Variants in CSMD3 observed in about 807,000 individuals in gnomAD.
CSMD3 encodes the protein CUB and sushi domain-containing protein 3.
CSMD3 carries 177 observed loss-of-function variants against 435.2 expected under a neutral mutation model. The observed-to-expected ratio is 0.41, with a 90% CI of 0.36 to 0.46. CSMD3 has a LOEUF of 0.46. CSMD3 is among the 20% of genes least tolerant of loss of function. The probability of loss-of-function intolerance (pLI) is 0.34; values close to 1 mark genes in which losing one functional copy is unlikely to be tolerated. For missense variants in CSMD3, 4,265 were observed against 4,504.6 expected (o/e 0.95, Z 1.52); for synonymous variants, 1,656 against 1,520.5 (o/e 1.09, Z -2.07).
intron 19 of CSMD3, among the ~76,000 whole-genome samples, chr8:112,647,340 C>T (rs1356503805): frequency 1.3e-5 from 2 of 148,664 alleles, no homozygotes; most frequent in Non-Finnish European, 3.0e-5. Flanking sequence ...TCGCCTTGTC[C>T]CCCAGGGCTG....
At chr8:113,256,833 GT>G (rs1435439529) in intron 3 of CSMD3, among the ~76,000 whole-genome samples, 1 of 152,158 alleles carries the variant, frequency 6.6e-6, no homozygotes, top group Non-Finnish European at 1.5e-5. Flanking sequence ...GCATTAAGTG[GT>G]TTGTAGTGTG....
At chr8:112,543,804 T>TATAGCCAAGATGTTGGAAACAA (rs1396085923) in intron 27 of CSMD3, among the ~76,000 whole-genome samples, 5 of 152,176 alleles carry the variant, frequency 3.3e-5, no homozygotes, top group Non-Finnish European at 5.9e-5. Flanking sequence ...TATTATTCAC[T>TATAGCCAAGATGTTGGAAACAA]ATAGCCAAGA....
intron 5 of CSMD3, among the ~76,000 whole-genome samples, chr8:113,048,306 G>T (rs917302931): frequency 9.2e-5 from 14 of 152,014 alleles, no homozygotes; most frequent in Non-Finnish European, 1.6e-4. Flanking sequence ...TGTTATCCAG[G>T]CTGGTCTCCA....
chr8:113,148,029 TCCC>T (rs2091718736), intron 4 of CSMD3, among the ~76,000 whole-genome samples: 1 of 151,554 alleles, frequency 6.6e-6, no homozygotes, highest in South Asian at 2.1e-4. Context: ...TACCTTACAC[TCCC>T]ACTTTCTCAA....
chr8:112,850,385 C>T (rs935434822), intron 11 of CSMD3, among the ~76,000 whole-genome samples: 1 of 152,034 alleles, frequency 6.6e-6, no homozygotes, highest in South Asian at 2.1e-4. Context: ...TTATAAATTC[C>T]ACACAGCCAA....
chr8:113,228,059 T>G (rs2093047428), intron 3 of CSMD3, among the ~76,000 whole-genome samples: 1 of 151,534 alleles, frequency 6.6e-6, no homozygotes, highest in African/African-American at 2.4e-5. Flanking sequence ...TCATGTTATA[T>G]TTTGCCTTGT....
At chr8:112,435,640 T>C (rs1252943838) in intron 32 of CSMD3, among the ~76,000 whole-genome samples, 3 of 152,052 alleles carry the variant, frequency 2.0e-5, no homozygotes, top group Non-Finnish European at 2.9e-5. Flanking sequence ...AAATGTTTTT[T>C]GGTAAGTAAT....
chr8:112,372,940 T>C (rs1828553622), intron 38 of CSMD3, among the ~76,000 whole-genome samples: 1 of 120,442 alleles, frequency 8.3e-6, no homozygotes, highest in Non-Finnish European at 1.9e-5. Flanking sequence ...AAGCAGGGCA[T>C]GTCTGTGTAG....
chr8:113,394,168 A>ACT (rs1324908544), intron 1 of CSMD3, among the ~76,000 whole-genome samples: 2 of 139,058 alleles, frequency 1.4e-5, no homozygotes, highest in East Asian at 2.5e-4. Context: ...TTACACACAC[A>ACT]CACACACACA....
chr8:112,484,321 T>C (rs1478831949), intron 31 of CSMD3, among the ~76,000 whole-genome samples: 5 of 152,200 alleles, frequency 3.3e-5, no homozygotes, highest in African/African-American at 4.8e-5. Flanking sequence ...GTAGAAATTA[T>C]AGATTTTTTA....
chr8:112,713,424 A>G (rs1341251583), intron 13 of CSMD3, among the ~76,000 whole-genome samples: 1 of 151,946 alleles, frequency 6.6e-6, no homozygotes, highest in Admixed American at 6.6e-5. Context: ...ATATGGGACT[A>G]TGTAAAAAGA....
chr8:112,875,187 G>C (rs2081247195), intron 10 of CSMD3, among the ~76,000 whole-genome samples: 2 of 152,006 alleles, frequency 1.3e-5, no homozygotes, highest in Admixed American at 1.3e-4. Flanking sequence ...TGCTTAGTTT[G>C]GCTGGATATG....
intron 69 of CSMD3, among the ~76,000 whole-genome samples, chr8:112,229,398 G>A (rs1010510550): frequency 6.0e-5 from 9 of 149,132 alleles, no homozygotes; most frequent in African/African-American, 1.2e-4. Flanking sequence ...TCATTCTGAC[G>A]AACTCAAACT....
intron 4 of CSMD3, among the ~76,000 whole-genome samples, chr8:113,151,071 G>C (rs1181963102): frequency 6.6e-6 from 1 of 151,824 alleles, no homozygotes; most frequent in Non-Finnish European, 1.5e-5. Context: ...TAAATATTTA[G>C]GATAAAATGT....
At chr8:112,455,807 G>C (rs1816779683) in intron 32 of CSMD3, among the ~76,000 whole-genome samples, 1 of 151,520 alleles carries the variant, frequency 6.6e-6, no homozygotes, top group African/African-American at 2.4e-5. Flanking sequence ...TGTTGCCTCA[G>C]TGGGAAAACT....
chr8:112,634,721 C>G (rs1165907017), intron 22 of CSMD3, among the ~76,000 whole-genome samples: 1 of 151,878 alleles, frequency 6.6e-6, no homozygotes, highest in Non-Finnish European at 1.5e-5. Flanking sequence ...TAAATATAAA[C>G]TAAATTTTTT....
intron 13 of CSMD3, among the ~76,000 whole-genome samples, chr8:112,785,600 A>G (rs575559667): frequency 1.3e-5 from 2 of 152,232 alleles, no homozygotes; most frequent in South Asian, 4.1e-4. Flanking sequence ...AATCAGTAGC[A>G]TTTCTATCTG....
At chr8:113,428,273 C>T (rs2094649042) in intron 1 of CSMD3, among the ~76,000 whole-genome samples, 1 of 150,888 alleles carries the variant, frequency 6.6e-6, no homozygotes, top group Non-Finnish European at 1.5e-5. Context: ...TCTGTCTAAT[C>T]ACGACTATTG....
chr8:113,132,511 C>T (rs2091309515), intron 4 of CSMD3, among the ~76,000 whole-genome samples: 1 of 152,008 alleles, frequency 6.6e-6, no homozygotes, highest in Non-Finnish European at 1.5e-5. Flanking sequence ...TCCTCCTGCT[C>T]CACCACGCTA....
Sources: allele counts gnomAD v4.1 joint callset (sites outside exome capture counted in the v4.1 genomes callset), GRCh38; gene constraint gnomAD v4.1.1; transcripts MANE v1.5; gene names NCBI Gene and HGNC (gene_info 2026-07-23, HGNC 2026-07-21).